SIRT3: variants seen among roughly 807,000 people sequenced by gnomAD.
SIRT3 encodes sirtuin 3, also known as NAD-dependent protein deacetylase sirtuin-3, mitochondrial.
A neutral mutation model predicts 33.5 loss-of-function variants in SIRT3; 26 were observed. That is an observed-to-expected ratio of 0.78 (90% confidence interval 0.57 to 1.08). SIRT3 has a LOEUF of 1.08. Among genes scored for constraint, SIRT3 ranks in the 50% least tolerant of loss-of-function variants. The pLI is 0.00. For missense variants in SIRT3, 585 were observed against 530.1 expected (o/e 1.10, Z -1.02); for synonymous variants, 237 against 222.1 (o/e 1.07, Z -0.60).
intron 3 of SIRT3, among the ~76,000 whole-genome samples, chr11:231,150 A>C (rs2133919472): frequency 6.6e-6 from 1 of 151,368 alleles, no homozygotes; most frequent in East Asian, 1.9e-4. Context: ...AATTACACCT[A>C]ATACCAGGCT....
At chr11:217,161 G>A (rs556218407) in intron 6 of SIRT3, among the ~76,000 whole-genome samples, 12 of 152,342 alleles carry the variant, frequency 7.9e-5, no homozygotes, top group Admixed American at 2.0e-4. Context: ...ATGAAAACAG[G>A]AAGTTGGGCC....
chr11:230,387 T>C, intron 4 of SIRT3, 65 bp downstream of exon 4: 1 of 916,882 alleles, frequency 1.1e-6, no homozygotes, highest in Non-Finnish European at 1.5e-6. Flanking sequence ...GCTTATAAAA[T>C]ACCACTTTTC....
Position 223,422 on chromosome 11 carries a change from A to G in SIRT3, c.969+656T>C. 4.1e-6 allele frequency: 1 copy of G among 241,076 alleles called. No individual in the cohort carries two copies. The highest frequency in any genetic ancestry group is 2.2e-5 in the African/African-American group (1 of 44,862). 14.9% of individuals were successfully genotyped at this position (241,076 alleles called of 1,614,324 possible). On this transcript the variant is annotated intron_variant, in intron 5 of 6. Coordinates refer to ENST00000382743, the MANE Select transcript of SIRT3 (RefSeq NM_012239.6). This position sits in a 1 kb window ranked among gnomAD's most constrained non-coding sequence, Gnocchi z 4.8. ...CCCCCTCCTCGCCATCCCTCAGGCG[A>G]CCACAGCTCCACCTTCTCCAGGACC...
At chr11:231,017 G>A (rs535996228) in intron 3 of SIRT3, among the ~76,000 whole-genome samples, 4 of 152,074 alleles carry the variant, frequency 2.6e-5, no homozygotes, top group East Asian at 1.9e-4. Flanking sequence ...CCAGCTACTC[G>A]GGGAGGCTGA....
chr11:232,434 G>A (rs1309256492), intron 3 of SIRT3, among the ~76,000 whole-genome samples: 1 of 152,068 alleles, frequency 6.6e-6, no homozygotes, highest in Non-Finnish European at 1.5e-5. Context: ...CCCGGCCGGA[G>A]TTGTTTTTAA....
chr11:236,197 G>C lies in SIRT3; in HGVS notation c.132C>G (p.Asp44Glu). Residue 44 changes from aspartate (D) to glutamate (E), a missense_variant, in exon 1 of 7, where the codon GAC becomes GAG. Physicochemically the swap from Asp to Glu is conservative, Grantham distance 45. Transcript: ENST00000382743. ...CGCRLVLGGR[D>E]DVSAGLRGSH... ...TGCCTCTCAGCCCCGCACTCACATC[G>C]TCCCTGCCGCCAAGCACCAGCCGAC... is the stretch of plus-strand genomic sequence containing the variant. The C allele has an allele frequency of 6.4e-7, 1 of 1,560,130 alleles. No individual in the cohort carries two copies. Among genetic ancestry groups the C allele is most frequent in the Non-Finnish European group, 8.6e-7 (1 of 1,156,126 alleles).
Position 223,626 on chromosome 11 carries a change from T to G in SIRT3, c.969+452A>C, listed in dbSNP as rs1590137943. On this transcript the variant is annotated intron_variant, in intron 5 of 6. Transcript: ENST00000382743. This position sits in a 1 kb window ranked among gnomAD's most constrained non-coding sequence, Gnocchi z 4.8. The stretch of plus-strand genomic sequence containing the variant: ...CCACCTCGCCCCCACACCCCCATCC[T>G]TCTCCCTTCTCCTCACACGTGGTGC... The G allele has an allele frequency of 3.1e-6, 1 of 317,922 alleles. No homozygotes were observed. The highest frequency in any genetic ancestry group is 6.1e-6 in the Non-Finnish European group (1 of 163,002). The allele number at this position is 317,922 out of a possible 1,614,324, so 19.7% of individuals were successfully genotyped here. A position where few individuals can be genotyped will look rare whatever the true frequency, so the allele number is the denominator to read the frequency against.
Position 223,605 on chromosome 11 carries a change from C to T in SIRT3, c.969+473G>A. ...GACCTGGGAGGCCCTGCCCCTCCAC[C>T]TCGCCCCCACACCCCCATCCTTCTC... On this transcript the variant is annotated intron_variant, in intron 5 of 6. Transcript: ENST00000382743. The surrounding 1 kb of genome is among the most constrained non-coding windows in gnomAD (Gnocchi z 4.8). The T allele has an allele frequency of 2.2e-6, 1 of 448,902 alleles. No individual in the cohort carries two copies. Among genetic ancestry groups the T allele is most frequent in the Non-Finnish European group, 4.2e-6 (1 of 239,154 alleles). 27.8% of individuals were successfully genotyped at this position (448,902 alleles called of 1,614,324 possible).
chr11:223,829 CAG>C lies in SIRT3; in HGVS notation c.969+247_969+248del. The C allele has an allele frequency of 1.1e-5, 9 of 794,294 alleles. No individual in the cohort carries two copies. Among genetic ancestry groups the C allele is most frequent in the Non-Finnish European group, 1.5e-5 (7 of 464,912 alleles). The allele number at this position is 794,294 out of a possible 1,614,324, so 49.2% of individuals were successfully genotyped here. A position where few individuals can be genotyped will look rare whatever the true frequency, so the allele number is the denominator to read the frequency against. ...TGTACCCCTCCCTTCCCCTGCCCTC[CAG>C]CCTCCTCCCTGCACAGGCCTGCCGA... On this transcript the variant is annotated intron_variant, in intron 5 of 6. Coordinates refer to ENST00000382743, the MANE Select transcript of SIRT3 (RefSeq NM_012239.6). The surrounding 1 kb of genome is among the most constrained non-coding windows in gnomAD (Gnocchi z 4.8).
chr11:235,942 A>C, intron 1 of SIRT3, 106 bp downstream of exon 1: 3 of 1,285,618 alleles, frequency 2.3e-6, no homozygotes, highest in Non-Finnish European at 3.1e-6. Flanking sequence ...GTTGGAACGC[A>C]CGTAAACTCC....
Position 215,090 on chromosome 11 carries a change from A to G in SIRT3, c.*1608T>C, listed in dbSNP as rs1040188253. The G allele has an allele frequency of 6.5e-6, 1 of 154,598 alleles. No homozygotes were observed. Among genetic ancestry groups the G allele is most frequent in the Non-Finnish European group, 1.4e-5 (1 of 69,568 alleles). 9.6% of individuals were successfully genotyped at this position (154,598 alleles called of 1,614,324 possible). On this transcript the variant is annotated 3_prime_UTR_variant, in exon 7 of 7. Transcript: ENST00000382743. The stretch of plus-strand genomic sequence containing the variant: ...ATAGCCACAGAAACATCATCTTGAA[A>G]TAAAGAAGAGTTTTGGACAAAAATG...
At chr11:224,507 C>T (rs2133848791) in intron 4 of SIRT3, among the ~76,000 whole-genome samples, 1 of 152,330 alleles carries the variant, frequency 6.6e-6, no homozygotes, top group Middle Eastern at 3.4e-3. Flanking sequence ...CGGCAGGCAT[C>T]TAGCGTATCT....
chr11:218,398 C>G (rs1855948037), intron 6 of SIRT3, among the ~76,000 whole-genome samples: 1 of 152,214 alleles, frequency 6.6e-6, no homozygotes, highest in South Asian at 2.1e-4. Context: ...ATCAATGGCT[C>G]TCATACCAAT....
At chr11:236,805 C>G, upstream of SIRT3, 1 of 565,344 alleles carries the variant, frequency 1.8e-6, no homozygotes, top group East Asian at 3.0e-5. Flanking sequence ...GGCGCCCACA[C>G]TCTTTGACGC....
rs1256878479 is a variant in SIRT3, at chr11:236,147, A to AAGGGCTCACCGCGGGCCCC, written c.163_181dup (p.Leu61TrpfsTer5). 1.3e-6 allele frequency: 2 copies of AAGGGCTCACCGCGGGCCCC among 1,572,308 alleles called. No individual in the cohort carries two copies. The highest frequency in any genetic ancestry group is 1.8e-5 in the Admixed American group (1 of 54,382). On this transcript the variant is annotated stop_gained and frameshift_variant, in exon 1 of 7. Coordinates refer to ENST00000382743, the MANE Select transcript of SIRT3 (RefSeq NM_012239.6). LOFTEE classifies it high-confidence loss of function. The stretch of plus-strand genomic sequence containing the variant: ...CCTCTGCAAGGGGCGCGCCGGGTCC[A>AAGGGCTCACCGCGGGCCCC]AGGGCTCACCGCGGGCCCCATGGCT...
upstream of SIRT3, chr11:236,359 TCGCCCCGCCCCCGG>T: frequency 1.7e-6 from 2 of 1,166,206 alleles, no homozygotes; most frequent in South Asian, 7.2e-5. Flanking sequence ...TCCTCCGGAC[TCGCCCCGCCCCCGG>T]CGCCCCGGCC....
chr11:219,931 G>A (rs1012886680), intron 5 of SIRT3, among the ~76,000 whole-genome samples: 17 of 151,876 alleles, frequency 1.1e-4, no homozygotes, highest in Non-Finnish European at 2.5e-4. Flanking sequence ...ATCATAAACT[G>A]CAAAAATATT....
rs1188539203 is a variant in SIRT3 at position 216,450 on chromosome 11, T to C, written c.*248A>G. 1.9e-6 allele frequency: 1 copy of C among 532,500 alleles called. No individual in the cohort carries two copies. Among genetic ancestry groups the C allele is most frequent in the African/African-American group, 1.9e-5 (1 of 52,146 alleles). 33.0% of individuals were successfully genotyped at this position (532,500 alleles called of 1,614,324 possible). Reference sequence around the variant, plus strand: ...TTAGGAGCTTCAGCAGAGTGAAGAGTTCAACACAGCAAACAGGCAGGCAGC... The same window carrying C: ...TTAGGAGCTTCAGCAGAGTGAAGAGCTCAACACAGCAAACAGGCAGGCAGC... On this transcript the variant is annotated 3_prime_UTR_variant, in exon 7 of 7. Transcript: ENST00000382743.
chr11:233,153 A>G lies in SIRT3; in HGVS notation c.536T>C (p.Ile179Thr). 6.2e-7 allele frequency: 1 copy of G among 1,614,168 alleles called. No individual in the cohort carries two copies. Among genetic ancestry groups the G allele is most frequent in the East Asian group, 2.2e-5 (1 of 44,888 alleles). The part of the protein sequence containing the change: ...QQYDLPYPEA[I>T]FELPFFFHNP... ...GTGAAAGAAGAATGGGAGTTCAAAAATGGCCTCGGGGTACGGGAGATCGTA... is the reference window on the plus strand; with the variant it reads ...GTGAAAGAAGAATGGGAGTTCAAAAGTGGCCTCGGGGTACGGGAGATCGTA... The change falls in exon 3 of 7, where the codon ATT becomes ACT. Residue 179 changes from isoleucine (I) to threonine (T), a missense_variant. Ile to Thr is a moderately conservative substitution (Grantham distance 89, BLOSUM62 -1). Transcript: ENST00000382743.
Sources: gnomAD v4.1 joint callset for allele counts (sites outside exome capture counted in the v4.1 genomes callset) on GRCh38, gnomAD v4.1.1 for gene constraint, Gnocchi (gnomAD v3.1) non-coding constraint, MANE v1.5 for transcripts, NCBI Gene and HGNC (gene_info 2026-07-23, HGNC 2026-07-21) for gene names.